Variants in CDH13 observed in about 807,000 individuals in gnomAD.
The protein encoded by CDH13 is cadherin 13.
CDH13 carries 24 observed loss-of-function variants against 63.8 expected under a neutral mutation model. The observed-to-expected ratio is 0.38, with a 90% CI of 0.27 to 0.53. The LOEUF (loss-of-function observed/expected upper bound fraction) is 0.53, where lower values mean the gene tolerates loss of function less well. CDH13 is among the 20% of genes least tolerant of loss of function. The probability of loss-of-function intolerance (pLI) is 0.85; values close to 1 mark genes in which losing one functional copy is unlikely to be tolerated. For synonymous variants in CDH13, 503 were observed against 355.3 expected (o/e 1.42, Z -4.67); for missense variants, 1,049 against 903.1 (o/e 1.16, Z -2.07).
At chr16:83,151,261 G>C (rs1432155897) in intron 4 of CDH13, among the ~76,000 whole-genome samples, 1 of 152,164 alleles carries the variant, frequency 6.6e-6, no homozygotes, top group African/African-American at 2.4e-5. Flanking sequence ...AAACATGTGT[G>C]AGACTAACTG....
intron 1 of CDH13, among the ~76,000 whole-genome samples, chr16:82,760,824 G>A (rs1421733859): frequency 2.0e-5 from 3 of 151,802 alleles, no homozygotes; most frequent in Non-Finnish European, 4.4e-5. Flanking sequence ...GTCACATGGT[G>A]AGAGAGAGAG....
At chr16:83,216,288 AT>A (rs2039506217) in intron 4 of CDH13, among the ~76,000 whole-genome samples, 1 of 149,630 alleles carries the variant, frequency 6.7e-6, no homozygotes, top group East Asian at 2.0e-4. Context: ...TTCTGAACCC[AT>A]TTTTATCTCT....
chr16:82,790,294 G>A (rs781432023), intron 1 of CDH13, among the ~76,000 whole-genome samples: 4 of 152,092 alleles, frequency 2.6e-5, no homozygotes, highest in Non-Finnish European at 5.9e-5. Flanking sequence ...AATTAGCTGG[G>A]CATGGTGGTG....
chr16:83,253,341 T>C (rs1905816214), intron 5 of CDH13, among the ~76,000 whole-genome samples: 1 of 152,228 alleles, frequency 6.6e-6, no homozygotes, highest in South Asian at 2.1e-4. Context: ...ACATTAAACC[T>C]CAGAGCATTG....
At chr16:82,941,421 G>A (rs1429496351) in intron 2 of CDH13, among the ~76,000 whole-genome samples, 2 of 152,046 alleles carry the variant, frequency 1.3e-5, no homozygotes, top group East Asian at 2.0e-4. Context: ...ACCTACCAAA[G>A]GTCCCCTCCT....
At chr16:83,208,470 G>GT (rs35549606) in intron 4 of CDH13, among the ~76,000 whole-genome samples, 5,178 of 147,272 alleles carry the variant, frequency 0.035, 260 homozygotes, top group African/African-American at 0.12. Flanking sequence ...AGGCAACAGT[G>GT]TTTTTTTTTT....
intron 2 of CDH13, among the ~76,000 whole-genome samples, chr16:82,915,646 G>C (rs914112792): frequency 6.6e-6 from 1 of 151,836 alleles, no homozygotes; most frequent in Non-Finnish European, 1.5e-5. Context: ...CAAGGGCTGT[G>C]GTCTTATCTA....
intron 2 of CDH13, among the ~76,000 whole-genome samples, chr16:82,882,029 C>T (rs1416384301): frequency 1.3e-5 from 2 of 152,148 alleles, no homozygotes; most frequent in Non-Finnish European, 2.9e-5. Context: ...TGTATCTATT[C>T]ATGCATCTAT....
intron 2 of CDH13, among the ~76,000 whole-genome samples, chr16:83,014,375 T>C: frequency 6.6e-6 from 1 of 151,118 alleles, no homozygotes; most frequent in East Asian, 1.9e-4. Flanking sequence ...AACTGACGTT[T>C]CATTTGAATC....
intron 1 of CDH13, among the ~76,000 whole-genome samples, chr16:82,713,295 A>T (rs2032097470): frequency 6.6e-6 from 1 of 152,160 alleles, no homozygotes; most frequent in African/African-American, 2.4e-5. Flanking sequence ...CTCTCCAGGC[A>T]ATTCTATACA....
intron 1 of CDH13, among the ~76,000 whole-genome samples, chr16:82,633,218 G>C (rs7205148): frequency 0.43 from 65,495 of 152,096 alleles, 14,519 homozygotes; most frequent in Non-Finnish European, 0.48. Flanking sequence ...AACAGTGACA[G>C]CTGAGCATCA....
chr16:83,539,886 A>G (rs1031763517), intron 7 of CDH13, among the ~76,000 whole-genome samples: 23 of 152,180 alleles, frequency 1.5e-4, no homozygotes, highest in African/African-American at 5.3e-4. Flanking sequence ...ACTGGGCATC[A>G]TCTATTAGGG....
chr16:83,286,900 G>A (rs7199812), intron 5 of CDH13, among the ~76,000 whole-genome samples: 1 of 151,840 alleles, frequency 6.6e-6, no homozygotes, highest in African/African-American at 2.4e-5. Flanking sequence ...GGAAAGTGAA[G>A]CAAGGGCTGG....
intron 1 of CDH13, among the ~76,000 whole-genome samples, chr16:82,645,096 C>T (rs148069518): frequency 1.3e-3 from 191 of 152,196 alleles, no homozygotes; most frequent in African/African-American, 4.2e-3. Context: ...CAGTGGGTCT[C>T]GGGCACTAAC....
intron 1 of CDH13, among the ~76,000 whole-genome samples, chr16:82,768,801 C>G (rs1226170782): frequency 6.6e-6 from 1 of 152,166 alleles, no homozygotes; most frequent in Non-Finnish European, 1.5e-5. Context: ...AGACCATCCT[C>G]GGTTAATACT....
In CDH13 at chr16:83,015,634, A is replaced by G. The variant is rs553816869; in HGVS notation, c.158-16376A>G. Among the ~76,000 whole-genome samples the G allele has an allele frequency of 1.5e-4, 20 of 137,012 alleles. No homozygotes were observed. The South Asian group carries it at 4.6e-3, about 31-fold the overall frequency. 89.9% of individuals were successfully genotyped at this position (137,012 alleles called of 152,430 possible). A position where few individuals can be genotyped will look rare whatever the true frequency, so the allele number is the denominator to read the frequency against. The stretch of plus-strand genomic sequence containing the variant: ...CGTAAATATCACAGTTGTGGGGACC[A>G]TATGCTTCAGCTTGCAGCATATATG... On this transcript the variant is annotated intron_variant, in intron 2 of 13. Transcript: ENST00000567109.
At position 83,599,410 on chromosome 16, in the gene CDH13, C is replaced by A. The variant is rs114606128; in HGVS notation, c.961-3044C>A. On this transcript the variant is annotated intron_variant, in intron 7 of 13. Transcript: ENST00000567109. ...CTGGTATAAAAGTTAGTAACATCCT[C>A]TTGGATAAAAACATTGAAATATGAA... Among the ~76,000 whole-genome samples the A allele has an allele frequency of 7.9e-3, 1,204 of 152,322 alleles. 16 individuals carry two copies. The highest frequency in any genetic ancestry group is 0.028 in the African/African-American group (1,149 of 41,562).
intron 6 of CDH13, among the ~76,000 whole-genome samples, chr16:83,345,659 A>G (rs9932999): frequency 0.36 from 54,824 of 152,018 alleles, 10,032 homozygotes; most frequent in East Asian, 0.49. Context: ...TTTTGCCCCA[A>G]TACATACAAA....
At chr16:82,968,250 C>G (rs10492868) in intron 2 of CDH13, among the ~76,000 whole-genome samples, 68,343 of 152,036 alleles carry the variant, frequency 0.45, 15,532 homozygotes, top group East Asian at 0.49. Context: ...TTTTTATATT[C>G]AAGTATCCTA....
Sources: allele counts gnomAD v4.1 joint callset (sites outside exome capture counted in the v4.1 genomes callset), GRCh38; gene constraint gnomAD v4.1.1; transcripts MANE v1.5; gene names NCBI Gene and HGNC (gene_info 2026-07-23, HGNC 2026-07-21).